FMN1: variants seen among roughly 807,000 people sequenced by gnomAD.
The protein encoded by FMN1 is formin-1.
Under a neutral mutation model 132.4 loss-of-function variants are expected in FMN1, and 110 were observed. The ratio of observed to expected loss-of-function variants is 0.83; its 90% confidence interval spans 0.71 to 0.97. The LOEUF is 0.97. Among genes scored for constraint, FMN1 ranks in the 50% least tolerant of loss-of-function variants. The pLI is 0.00. For missense variants in FMN1, 1,792 were observed against 1,705.3 expected (o/e 1.05, Z -0.90); for synonymous variants, 722 against 651.7 (o/e 1.11, Z -1.64).
intron 7 of FMN1, among the ~76,000 whole-genome samples, chr15:32,991,059 C>G (rs1454549199): frequency 6.6e-6 from 1 of 152,138 alleles, no homozygotes; most frequent in African/African-American, 2.4e-5. Context: ...TAGATGATAT[C>G]AAAGAGAACA....
At chr15:33,018,440 A>T (rs753794371) in intron 6 of FMN1, among the ~76,000 whole-genome samples, 4 of 152,098 alleles carry the variant, frequency 2.6e-5, no homozygotes, top group Admixed American at 2.6e-4. Context: ...GTCGCTCACC[A>T]ATGGCCAATG....
chr15:33,083,614 C>T (rs1369971607), intron 5 of FMN1, among the ~76,000 whole-genome samples: 1 of 152,220 alleles, frequency 6.6e-6, no homozygotes, highest in East Asian at 1.9e-4. Flanking sequence ...ATCTCTTGAT[C>T]TGGCTATTCA....
intron 7 of FMN1, among the ~76,000 whole-genome samples, chr15:32,982,886 C>T (rs1322884690): frequency 2.0e-5 from 3 of 152,062 alleles, no homozygotes; most frequent in Admixed American, 1.3e-4. Flanking sequence ...TACTGTCGGC[C>T]CTCCTAGATC....
chr15:33,076,518 G>A (rs770334168), intron 5 of FMN1, among the ~76,000 whole-genome samples: 4 of 152,066 alleles, frequency 2.6e-5, no homozygotes, highest in Non-Finnish European at 5.9e-5. Context: ...AGGGAAGGTG[G>A]GGATTTACCC....
chr15:33,152,547 AAAAC>A (rs200042669), intron 4 of FMN1, among the ~76,000 whole-genome samples: 2,154 of 152,232 alleles, frequency 0.014, 49 homozygotes, highest in African/African-American at 0.05. Context: ...ATGATTACTA[AAAAC>A]AAACAAACAA....
intron 10 of FMN1, among the ~76,000 whole-genome samples, chr15:32,921,697 A>G (rs1321726305): frequency 1.4e-5 from 2 of 139,928 alleles, no homozygotes; most frequent in Non-Finnish European, 3.1e-5. Flanking sequence ...TTTTTTCGAG[A>G]TAAGAGTCTT....
intron 19 of FMN1, among the ~76,000 whole-genome samples, chr15:32,777,417 G>C (rs1455627898): frequency 1.8e-5 from 2 of 114,084 alleles, no homozygotes; most frequent in Non-Finnish European, 4.2e-5. Context: ...TCATTCTGTA[G>C]GTTTTTTTCC....
chr15:33,095,142 G>GT (rs1317899010), intron 4 of FMN1, among the ~76,000 whole-genome samples: 1 of 152,142 alleles, frequency 6.6e-6, no homozygotes, highest in Admixed American at 6.5e-5. Flanking sequence ...GAGGTCAGGA[G>GT]TTTGAGACCA....
chr15:33,192,363 C>T (rs1202786064), intron 2 of FMN1, among the ~76,000 whole-genome samples: 2 of 152,152 alleles, frequency 1.3e-5, no homozygotes, highest in African/African-American at 4.8e-5. Context: ...GGATATGAGA[C>T]CTACCCTTAG....
At chr15:33,094,147 T>G (rs2038996975) in intron 4 of FMN1, among the ~76,000 whole-genome samples, 1 of 152,236 alleles carries the variant, frequency 6.6e-6, no homozygotes, top group Non-Finnish European at 1.5e-5. Context: ...ACATGTGGGC[T>G]AAATTCCTGG....
chr15:32,957,279 A>G (rs772201988), intron 9 of FMN1, among the ~76,000 whole-genome samples: 4 of 145,712 alleles, frequency 2.7e-5, no homozygotes, highest in African/African-American at 9.9e-5. Flanking sequence ...ACACAATTGG[A>G]AAGTTTATCA....
intron 16 of FMN1, among the ~76,000 whole-genome samples, chr15:32,870,288 G>C (rs139524816): frequency 6.6e-6 from 1 of 152,134 alleles, no homozygotes; most frequent in Non-Finnish European, 1.5e-5. Flanking sequence ...TGCAGAAGAG[G>C]TCTAGCCCTT....
intron 10 of FMN1, among the ~76,000 whole-genome samples, chr15:32,925,887 C>T (rs944955479): frequency 3.9e-5 from 6 of 152,094 alleles, no homozygotes; most frequent in Non-Finnish European, 8.8e-5. Flanking sequence ...ATGGCAAAAC[C>T]CCACCTGTAA....
At chr15:33,011,383 T>A (rs1306646542) in intron 6 of FMN1, among the ~76,000 whole-genome samples, 1 of 152,104 alleles carries the variant, frequency 6.6e-6, no homozygotes, top group Non-Finnish European at 1.5e-5. Context: ...AAGACAAAAC[T>A]GGATCCTAAC....
At chr15:33,005,923 C>T (rs939887011) in intron 7 of FMN1, among the ~76,000 whole-genome samples, 1 of 152,154 alleles carries the variant, frequency 6.6e-6, no homozygotes, top group African/African-American at 2.4e-5. Context: ...TTCTAGGAGA[C>T]AGAGGTACTT....
chr15:33,111,679 G>A lies in FMN1; in HGVS notation c.1868-22705C>T, dbSNP rs544180813. 6.6e-5 allele frequency among the ~76,000 whole-genome samples: 10 copies of A among 152,246 alleles called. No individual in the cohort carries two copies. In the East Asian group the frequency reaches 1.9e-3, roughly 29 times the overall value. On this transcript the variant is annotated intron_variant, in intron 4 of 20. Coordinates refer to ENST00000616417, the MANE Select transcript of FMN1 (RefSeq NM_001277313.2). ...CTCAAAAACATGCTAAGTAGATGTG[G>A]CCAGTCACAAAGACCACAATATTGC...
chr15:32,852,413 T>G (rs1463231575), intron 17 of FMN1, among the ~76,000 whole-genome samples: 1 of 152,216 alleles, frequency 6.6e-6, no homozygotes, highest in Non-Finnish European at 1.5e-5. Context: ...AGACAGCGTC[T>G]TGCTCTGTTG....
At chr15:33,053,721 C>A (rs1399011193) in intron 6 of FMN1, among the ~76,000 whole-genome samples, 1 of 151,970 alleles carries the variant, frequency 6.6e-6, no homozygotes, top group East Asian at 1.9e-4. Context: ...ATAAAGAATA[C>A]AAATGAGCTG....
chr15:32,925,107 A>G (rs971236346), intron 10 of FMN1, among the ~76,000 whole-genome samples: 1 of 152,226 alleles, frequency 6.6e-6, no homozygotes, highest in East Asian at 1.9e-4. Flanking sequence ...TTTTATCTAA[A>G]ATTGAGCCAA....
Sources: allele counts gnomAD v4.1 joint callset (sites outside exome capture counted in the v4.1 genomes callset), GRCh38; gene constraint gnomAD v4.1.1; transcripts MANE v1.5; gene names NCBI Gene and HGNC (gene_info 2026-07-23, HGNC 2026-07-21).